The following PTPN22 variants were observed in gnomAD, a reference collection of about 807,000 sequenced individuals.
PTPN22 encodes the protein tyrosine-protein phosphatase non-receptor type 22.
PTPN22 carries 85 observed loss-of-function variants against 103.3 expected under a neutral mutation model. The observed-to-expected ratio is 0.82, with a 90% CI of 0.69 to 0.99. The LOEUF is 0.99. PTPN22 is among the 50% of genes least tolerant of loss of function. The pLI is 0.00. For missense variants in PTPN22, 865 were observed against 936.9 expected, an observed-to-expected ratio of 0.92 and a Z score of 1.00; for synonymous variants, 323 against 310.2, an observed-to-expected ratio of 1.04 and a Z score of -0.43.
Position 113,852,020 on chromosome 1 carries a change from T to C in PTPN22, c.828+7A>G, listed in dbSNP as rs746409896. On this transcript the variant is annotated splice_region_variant and intron_variant, in intron 10 of 20. Coordinates refer to ENST00000359785, the Ensembl canonical transcript of PTPN22. ...ACATGTTCTGATCCATTCACTATAG[T>C]TCATACCTGCGTTTGAACTAATGAA... is the stretch of plus-strand genomic sequence containing the variant. 2 of 1,597,194 alleles carry C rather than the reference T, an allele frequency of 1.3e-6. No individual in the cohort carries two copies. Among genetic ancestry groups the C allele is most frequent in the South Asian group, 2.2e-5 (2 of 90,512 alleles).
At chr1:113,869,781 T>C (rs1194449219) in intron 1 of PTPN22, among the ~76,000 whole-genome samples, 3 of 152,134 alleles carry the variant, frequency 2.0e-5, no homozygotes, top group Admixed American at 6.6e-5. Context: ...ATGCCTTGGG[T>C]TACCTTGGCT....
chr1:113,870,336 G>A (rs1666474014), intron 1 of PTPN22, among the ~76,000 whole-genome samples: 1 of 152,128 alleles, frequency 6.6e-6, no homozygotes, highest in African/African-American at 2.4e-5. Flanking sequence ...TTGTACTTCA[G>A]TTCCCCTCTT....
intron 11 of PTPN22, among the ~76,000 whole-genome samples, chr1:113,840,937 A>C (rs1175581794): frequency 6.6e-6 from 1 of 152,248 alleles, no homozygotes; most frequent in Non-Finnish European, 1.5e-5. Context: ...AAAAGAATGA[A>C]GTTGAGGCTG....
At chr1:113,858,642 C>CT in intron 3 of PTPN22, 69 bp from the exon 4 acceptor site, 3 of 958,882 alleles carry the variant, frequency 3.1e-6, no homozygotes, top group East Asian at 2.8e-5. Context: ...TCCTCCGCTT[C>CT]CTTTTTTTTT....
rs751898167 is a variant in PTPN22 at position 113,837,628 on chromosome 1, T to C, written c.1772A>G (p.Asn591Ser). Residue 591 changes from asparagine to serine, a missense_variant, in exon 13 of 21, where the codon AAT becomes AGT. Coordinates refer to ENST00000359785, the Ensembl canonical transcript of PTPN22. ...CTCCTGGTTCAATAGTGAGGAAATA[T>C]TGGTTGGAGAATTCAGTGATAAAGA... is the stretch of plus-strand genomic sequence containing the variant. The C allele has an allele frequency of 5.6e-6, 9 of 1,598,820 alleles. No homozygotes were observed. The African/African-American group carries it at 6.7e-5, about 12-fold the overall frequency.
chr1:113,819,428 A>G (rs1479377801), intron 20 of PTPN22, 149 bp downstream of exon 20: 3 of 469,644 alleles, frequency 6.4e-6, no homozygotes, highest in Non-Finnish European at 1.1e-5. Context: ...AGTTAAGGTT[A>G]AAAATAAAAA....
intron 14 of PTPN22, among the ~76,000 whole-genome samples, chr1:113,834,668 C>T (rs1364089742): frequency 6.6e-6 from 1 of 152,056 alleles, no homozygotes; most frequent in Non-Finnish European, 1.5e-5. Context: ...AAGTGATCCT[C>T]TCACCTCCAC....
At chr1:113,858,274 T>A (rs967688917) in intron 4 of PTPN22, among the ~76,000 whole-genome samples, 2 of 152,036 alleles carry the variant, frequency 1.3e-5, no homozygotes, top group Non-Finnish European at 2.9e-5. Context: ...CCCAGGCTGG[T>A]CTAGAACCCC....
At chr1:113,844,694 GTTTC>G (rs1354116465) in intron 11 of PTPN22, among the ~76,000 whole-genome samples, 1 of 152,104 alleles carries the variant, frequency 6.6e-6, no homozygotes, top group African/African-American at 2.4e-5. Context: ...AATTCAGTGT[GTTTC>G]TTTATTTCCT....
chr1:113,861,055 C>T (rs948220508), intron 1 of PTPN22, among the ~76,000 whole-genome samples: 1 of 152,122 alleles, frequency 6.6e-6, no homozygotes, highest in Non-Finnish European at 1.5e-5. Flanking sequence ...TACTCCTTTC[C>T]TCCCCCTCGA....
At chr1:113,847,394 G>A (rs1038746325) in intron 11 of PTPN22, among the ~76,000 whole-genome samples, 1 of 144,188 alleles carries the variant, frequency 6.9e-6, no homozygotes, top group Admixed American at 6.9e-5. Context: ...TATCTTGGCT[G>A]CTTTAAAATC....
exon 19 of PTPN22, chr1:113,825,143 C>G (rs1308516498): frequency 1.3e-6 from 2 of 1,506,086 alleles, no homozygotes; most frequent in Admixed American, 1.9e-5. Flanking sequence ...CCAACTTACT[C>G]TTTTTCATGT....
At chr1:113,829,617 G>T in exon 18 of PTPN22, 1 of 1,601,500 alleles carries the variant, frequency 6.2e-7, no homozygotes. Context: ...ACTTTTTCCA[G>T]GAGTCTTCAG....
intron 20 of PTPN22, among the ~76,000 whole-genome samples, chr1:113,817,511 C>A (rs1295677954): frequency 6.6e-6 from 1 of 152,070 alleles, no homozygotes. Context: ...GATCACGGCT[C>A]ACTGCAGCCT....
chr1:113,845,259 C>T (rs1663956303), intron 11 of PTPN22, among the ~76,000 whole-genome samples: 1 of 148,956 alleles, frequency 6.7e-6, no homozygotes, highest in Non-Finnish European at 1.5e-5. Context: ...TGCAGTGATG[C>T]TATCTCAGCT....
At chr1:113,853,859 C>CTTTTTTTTTTTTT (rs894010114) in intron 9 of PTPN22, among the ~76,000 whole-genome samples, 4 of 67,152 alleles carry the variant, frequency 6.0e-5, no homozygotes, top group African/African-American at 6.6e-5. Flanking sequence ...TTTTTTTTTG[C>CTTTTTTTTTTTTT]TTTTTTTTTT....
At chr1:113,820,470 CATA>C (rs968379148) in intron 19 of PTPN22, among the ~76,000 whole-genome samples, 106 of 152,062 alleles carry the variant, frequency 7.0e-4, no homozygotes, top group African/African-American at 2.3e-3. Context: ...CTCAAAAAAA[CATA>C]ATAATTATTA....
At chr1:113,832,714 T>C (rs1348333556) in intron 16 of PTPN22, among the ~76,000 whole-genome samples, 4 of 152,238 alleles carry the variant, frequency 2.6e-5, no homozygotes, top group Admixed American at 6.5e-5. Flanking sequence ...TTAGTTTTTG[T>C]TCTTCAATGC....
intron 20 of PTPN22, among the ~76,000 whole-genome samples, chr1:113,816,513 G>T (rs943859049): frequency 1.3e-5 from 2 of 151,952 alleles, no homozygotes; most frequent in Non-Finnish European, 2.9e-5. Context: ...GGCCAGTCAT[G>T]GTGGCTCAAA....
Sources: gnomAD v4.1 joint callset for allele counts (sites outside exome capture counted in the v4.1 genomes callset) on GRCh38, gnomAD v4.1.1 for gene constraint, MANE v1.5 for transcripts, NCBI Gene and HGNC (gene_info 2026-07-23, HGNC 2026-07-21) for gene names.